Variants in HIVEP3 observed in about 807,000 individuals in gnomAD.
The protein encoded by HIVEP3 is transcription factor HIVEP3.
HIVEP3 carries 49 observed loss-of-function variants against 152.8 expected under a neutral mutation model. That is an observed-to-expected ratio of 0.32 (90% CI 0.26 to 0.41). The LOEUF is 0.41. Ranked by LOEUF, HIVEP3 falls within the 10% of genes least tolerant of loss-of-function variation. The pLI, the probability that HIVEP3 is intolerant of heterozygous loss-of-function variation, is 1.00. For missense variants in HIVEP3, 2,790 were observed against 3,103.3 expected (o/e 0.90, Z 2.40); for synonymous variants, 1,269 against 1,289.0 (o/e 0.98, Z 0.33).
intron 2 of HIVEP3, among the ~76,000 whole-genome samples, chr1:41,691,070 T>A (rs750467221): frequency 2.6e-5 from 4 of 152,156 alleles, no homozygotes; most frequent in Admixed American, 1.3e-4. Flanking sequence ...AATACTAGAG[T>A]CTATCTCATG....
chr1:41,558,887 T>C (rs1239023871), intron 5 of HIVEP3, among the ~76,000 whole-genome samples: 1 of 152,164 alleles, frequency 6.6e-6, no homozygotes, highest in Non-Finnish European at 1.5e-5. Context: ...TTGGCTCTCA[T>C]GTGCAGCCCT....
At chr1:41,547,548 G>A (rs376637704) in intron 5 of HIVEP3, among the ~76,000 whole-genome samples, 1 of 152,170 alleles carries the variant, frequency 6.6e-6, no homozygotes, top group African/African-American at 2.4e-5. Flanking sequence ...TTGGCTGGTA[G>A]AGCGAGGAGC....
intron 1 of HIVEP3, among the ~76,000 whole-genome samples, chr1:41,828,799 T>A (rs1642876683): frequency 6.6e-6 from 1 of 152,254 alleles, no homozygotes; most frequent in Non-Finnish European, 1.5e-5. Context: ...GCCAGTCTCC[T>A]AATTCTCCAT....
intron 5 of HIVEP3, among the ~76,000 whole-genome samples, chr1:41,550,694 A>G (rs1026235142): frequency 6.6e-6 from 1 of 152,180 alleles, no homozygotes; most frequent in Non-Finnish European, 1.5e-5. Context: ...ATTGGTGTAT[A>G]GGAATGCTTG....
chr1:41,841,430 G>C (rs2124369817), intron 1 of HIVEP3, among the ~76,000 whole-genome samples: 1 of 152,308 alleles, frequency 6.6e-6, no homozygotes, highest in African/African-American at 2.4e-5. Context: ...AAAGCCTCCG[G>C]AGCCGAATGC....
chr1:41,526,737 T>G (rs1434919258), intron 5 of HIVEP3, among the ~76,000 whole-genome samples: 1 of 79,362 alleles, frequency 1.3e-5, no homozygotes, highest in Non-Finnish European at 2.5e-5. Flanking sequence ...ACACTCACCC[T>G]AAAACGTGCT....
At chr1:41,606,821 G>A (rs759642178) in intron 3 of HIVEP3, among the ~76,000 whole-genome samples, 1 of 150,712 alleles carries the variant, frequency 6.6e-6, no homozygotes, top group Non-Finnish European at 1.5e-5. Flanking sequence ...TTGCATGACT[G>A]GTGAGAAATT....
chr1:41,585,378 A>G, intron 3 of HIVEP3, 60 bp from the exon 4 acceptor site: 1 of 398,806 alleles, frequency 2.5e-6, no homozygotes, highest in East Asian at 3.6e-5. Flanking sequence ...AGACAGAGTT[A>G]CTGGGACTCA....
intron 3 of HIVEP3, among the ~76,000 whole-genome samples, chr1:41,612,309 A>C (rs1239743243): frequency 1.3e-5 from 2 of 152,148 alleles, no homozygotes; most frequent in East Asian, 1.9e-4. Flanking sequence ...TTTCAGATGG[A>C]TCATAATCCC....
At chr1:41,900,055 G>GA (rs955804398) in intron 1 of HIVEP3, among the ~76,000 whole-genome samples, 4 of 150,412 alleles carry the variant, frequency 2.7e-5, no homozygotes, top group African/African-American at 7.3e-5. Context: ...ATTCTGAAGG[G>GA]AAAAAAAAAT....
Position 41,510,979 on chromosome 1 carries a change from G to A in HIVEP3, c.6693C>T (p.Asp2231=). 6.2e-7 allele frequency: 1 copy of A among 1,613,518 alleles called. No homozygotes were observed. The highest frequency in any genetic ancestry group is 8.5e-7 in the Non-Finnish European group (1 of 1,179,826). ...WVSGFSGGGS[D]LTGAREAQER... ...CCTGGGCCTCCCGGGCCCCTGTCAG[G>A]TCGCTGCCACCCCCGGAGAAGCCAC... Residue 2231 remains aspartate (D), a synonymous_variant, in exon 9 of 9, where the codon GAC becomes GAT. Coordinates refer to ENST00000372583, the MANE Select transcript of HIVEP3 (RefSeq NM_024503.5).
At chr1:42,002,097 AAAAATAAAATAAT>A (rs567942734) in intron 1 of HIVEP3, among the ~76,000 whole-genome samples, 3 of 152,286 alleles carry the variant, frequency 2.0e-5, no homozygotes, top group South Asian at 4.1e-4. Flanking sequence ...TTTATTTTTA[AAAAATAAAATAAT>A]AAAATAAAAT....
chr1:41,842,864 G>T (rs1399256200), intron 1 of HIVEP3, among the ~76,000 whole-genome samples: 25 of 152,176 alleles, frequency 1.6e-4, no homozygotes, highest in Admixed American at 1.6e-3. Context: ...TCAGCAATTA[G>T]ATCTATGGCT....
Position 41,731,279 on chromosome 1 carries a change from T to C in HIVEP3, c.-800-30284A>G, listed in dbSNP as rs59115659. Among the ~76,000 whole-genome samples the C allele has an allele frequency of 6.7e-3, 1,018 of 152,244 alleles. 10 individuals are homozygous for C. Among genetic ancestry groups the C allele is most frequent in the African/African-American group, 0.024 (989 of 41,526 alleles). On this transcript the variant is annotated intron_variant, in intron 1 of 8. Coordinates refer to ENST00000372583, the MANE Select transcript of HIVEP3 (RefSeq NM_024503.5). ...TCAGGCAGCTCCGGAGCCATCAACC[T>C]GGCCAGTCTTCACAGCCTACCCCAG...
intron 1 of HIVEP3, among the ~76,000 whole-genome samples, chr1:41,960,436 C>A (rs970475370): frequency 2.0e-5 from 3 of 152,144 alleles, no homozygotes; most frequent in African/African-American, 2.4e-5. Flanking sequence ...GAAGTATATG[C>A]TCCCCACTCC....
At chr1:41,960,914 G>A (rs1486281822) in intron 1 of HIVEP3, among the ~76,000 whole-genome samples, 2 of 152,156 alleles carry the variant, frequency 1.3e-5, no homozygotes, top group Admixed American at 6.5e-5. Flanking sequence ...CATCCCTCAT[G>A]TACTTTTCAC....
intron 1 of HIVEP3, among the ~76,000 whole-genome samples, chr1:41,716,106 G>A (rs531247446): frequency 3.9e-5 from 6 of 152,226 alleles, no homozygotes; most frequent in South Asian, 4.1e-4. Context: ...CAGGGTGCAG[G>A]GAGCACAGGG....
At chr1:41,567,352 C>T (rs1644179743) in intron 5 of HIVEP3, among the ~76,000 whole-genome samples, 1 of 152,208 alleles carries the variant, frequency 6.6e-6, no homozygotes, top group Non-Finnish European at 1.5e-5. Context: ...CCCTGACAAC[C>T]ACTACTCCTT....
At chr1:42,031,004 C>T (rs1172342719) in intron 1 of HIVEP3, among the ~76,000 whole-genome samples, 1 of 152,182 alleles carries the variant, frequency 6.6e-6, no homozygotes, top group South Asian at 2.1e-4. Context: ...TGCAGAAAAA[C>T]CTGGGAAGTG....
Sources: gnomAD v4.1 joint callset for allele counts (sites outside exome capture counted in the v4.1 genomes callset) on GRCh38, gnomAD v4.1.1 for gene constraint, MANE v1.5 for transcripts, NCBI Gene and HGNC (gene_info 2026-07-23, HGNC 2026-07-21) for gene names.